GRIK2: variants seen among roughly 807,000 people sequenced by gnomAD.
The protein encoded by GRIK2 is glutamate receptor ionotropic, kainate 2.
A neutral mutation model predicts 100.3 loss-of-function variants in GRIK2; 32 were observed. That is an observed-to-expected ratio of 0.32 (90% CI 0.24 to 0.43). GRIK2 has a LOEUF of 0.43. Ranked by LOEUF, GRIK2 falls within the 20% of genes least tolerant of loss-of-function variation. The pLI is 1.00. For synonymous variants in GRIK2, 417 were observed against 389.4 expected, an observed-to-expected ratio of 1.07 and a Z score of -0.83; for missense variants, 843 against 1,114.9, an observed-to-expected ratio of 0.76 and a Z score of 3.47.
chr6:101,988,762 A>G (rs1039605335), intron 14 of GRIK2, among the ~76,000 whole-genome samples: 8 of 151,898 alleles, frequency 5.3e-5, no homozygotes, highest in Non-Finnish European at 1.0e-4. Flanking sequence ...TTACATCAAC[A>G]AATTCACAGT....
intron 2 of GRIK2, among the ~76,000 whole-genome samples, chr6:101,416,326 G>A (rs992693281): frequency 7.2e-5 from 11 of 152,148 alleles, no homozygotes; most frequent in African/African-American, 2.7e-4. Context: ...AGAAGGAGCT[G>A]GTCTGAGGCT....
At chr6:101,512,260 G>C (rs1403436914) in intron 2 of GRIK2, among the ~76,000 whole-genome samples, 1 of 151,876 alleles carries the variant, frequency 6.6e-6, no homozygotes, top group Non-Finnish European at 1.5e-5. Context: ...TATGGTATAT[G>C]TATATACAGT....
At chr6:101,693,460 T>G (rs1772254666) in intron 7 of GRIK2, among the ~76,000 whole-genome samples, 1 of 151,944 alleles carries the variant, frequency 6.6e-6, no homozygotes, top group South Asian at 2.1e-4. Context: ...TTTACCTGTC[T>G]TAGGTTTGTT....
At chr6:101,960,436 T>C (rs778851679) in intron 14 of GRIK2, among the ~76,000 whole-genome samples, 1 of 152,152 alleles carries the variant, frequency 6.6e-6, no homozygotes, top group Non-Finnish European at 1.5e-5. Context: ...TTTATGTTAG[T>C]TCCTTCTCAT....
intron 7 of GRIK2, among the ~76,000 whole-genome samples, chr6:101,754,292 A>G (rs543641675): frequency 2.0e-5 from 3 of 152,330 alleles, no homozygotes; most frequent in East Asian, 3.9e-4. Flanking sequence ...GTATCAAAGT[A>G]AATCTCTTTT....
At chr6:101,545,140 A>G (rs554515924) in intron 2 of GRIK2, among the ~76,000 whole-genome samples, 2 of 152,272 alleles carry the variant, frequency 1.3e-5, no homozygotes, top group East Asian at 3.9e-4. Flanking sequence ...TTAATTTTAG[A>G]TGATGTTCAT....
intron 7 of GRIK2, among the ~76,000 whole-genome samples, chr6:101,762,649 A>G (rs1777802594): frequency 6.6e-6 from 1 of 152,140 alleles, no homozygotes; most frequent in Admixed American, 6.5e-5. Flanking sequence ...CAAGACCAAC[A>G]TTTGCCTGGT....
At chr6:102,034,538 G>A (rs868351895) in intron 14 of GRIK2, among the ~76,000 whole-genome samples, 1 of 151,324 alleles carries the variant, frequency 6.6e-6, no homozygotes, top group Non-Finnish European at 1.5e-5. Flanking sequence ...AGGAGCAGAT[G>A]CTAACGTTTT....
At chr6:101,689,759 C>G (rs867815703) in intron 7 of GRIK2, among the ~76,000 whole-genome samples, 7 of 152,078 alleles carry the variant, frequency 4.6e-5, no homozygotes, top group South Asian at 2.1e-4. Context: ...CCACTTTTCT[C>G]CATTCCCACA....
At chr6:101,553,157 C>A (rs1776589681) in intron 2 of GRIK2, among the ~76,000 whole-genome samples, 1 of 152,142 alleles carries the variant, frequency 6.6e-6, no homozygotes, top group African/African-American at 2.4e-5. Flanking sequence ...AGTACAATGT[C>A]ATAAACACTA....
At chr6:101,788,980 C>A (rs1779632082) in intron 7 of GRIK2, among the ~76,000 whole-genome samples, 3 of 151,486 alleles carry the variant, frequency 2.0e-5, no homozygotes, top group Admixed American at 6.6e-5. Context: ...AGCTTTTTTT[C>A]ATGTGTCTTT....
chr6:101,707,586 G>GTACATA (rs1482076939), intron 7 of GRIK2, among the ~76,000 whole-genome samples: 1 of 132,568 alleles, frequency 7.5e-6, no homozygotes, highest in African/African-American at 3.1e-5. Context: ...ATGTGTGTGT[G>GTACATA]TGTGTGTGTA....
chr6:101,691,597 C>T (rs1010900560), intron 7 of GRIK2, among the ~76,000 whole-genome samples: 4 of 151,992 alleles, frequency 2.6e-5, no homozygotes, highest in African/African-American at 7.3e-5. Flanking sequence ...CCACTGCGCT[C>T]GGCCATTAGA....
intron 2 of GRIK2, among the ~76,000 whole-genome samples, chr6:101,505,869 A>G (rs1194629364): frequency 6.6e-6 from 1 of 152,084 alleles, no homozygotes; most frequent in Non-Finnish European, 1.5e-5. Flanking sequence ...CATTCCCATA[A>G]GAAACGTTTT....
At chr6:101,616,724 A>G (rs571491755) in intron 2 of GRIK2, among the ~76,000 whole-genome samples, 12 of 151,816 alleles carry the variant, frequency 7.9e-5, no homozygotes, top group African/African-American at 2.9e-4. Context: ...TAAAAAAAGG[A>G]CTTCAATAAA....
At chr6:101,932,342 C>T (rs1790342287) in intron 14 of GRIK2, among the ~76,000 whole-genome samples, 1 of 151,938 alleles carries the variant, frequency 6.6e-6, no homozygotes. Flanking sequence ...ATGTAAGCTC[C>T]ATCCAAATTG....
chr6:101,743,616 A>G (rs1776186297), intron 7 of GRIK2, among the ~76,000 whole-genome samples: 1 of 152,126 alleles, frequency 6.6e-6, no homozygotes, highest in Admixed American at 6.5e-5. Flanking sequence ...AGTAATCAAA[A>G]TGGAGTTGTG....
intron 10 of GRIK2, among the ~76,000 whole-genome samples, chr6:101,831,247 T>C (rs1012821695): frequency 6.6e-6 from 1 of 152,084 alleles, no homozygotes; most frequent in Admixed American, 6.6e-5. Flanking sequence ...TTCCAGACAA[T>C]AAAACATATA....
intron 2 of GRIK2, among the ~76,000 whole-genome samples, chr6:101,604,784 A>G (rs1332340268): frequency 1.3e-5 from 2 of 152,060 alleles, no homozygotes; most frequent in Non-Finnish European, 2.9e-5. Context: ...GCAAGATATG[A>G]TATCTTATTT....
Sources: allele counts gnomAD v4.1 joint callset (sites outside exome capture counted in the v4.1 genomes callset), GRCh38; gene constraint gnomAD v4.1.1; transcripts MANE v1.5; gene names NCBI Gene and HGNC (gene_info 2026-07-23, HGNC 2026-07-21).